Variants in TH observed in about 807,000 individuals in gnomAD.
TH encodes the protein tyrosine 3-monooxygenase.
Under a neutral mutation model 57.4 loss-of-function variants are expected in TH, and 49 were observed. That is an observed-to-expected ratio of 0.85 (90% CI 0.68 to 1.08). The LOEUF (loss-of-function observed/expected upper bound fraction) is 1.08. Ranked by LOEUF, TH falls within the 50% of genes least tolerant of loss-of-function variation. TH has a pLI of 0.00. For missense variants in TH, 720 were observed against 696.7 expected (o/e 1.03, Z -0.38); for synonymous variants, 330 against 304.5 (o/e 1.08, Z -0.87).
Position 2,168,519 on chromosome 11 carries a change from C to G in TH, c.459G>C (p.Glu153Asp). 6.2e-7 allele frequency: 1 copy of G among 1,612,342 alleles called. No homozygotes were observed. Among genetic ancestry groups the G allele is most frequent in the Non-Finnish European group, 8.5e-7 (1 of 1,179,844 alleles). ...ALLSGVRQVS[E>D]DVRSPAGPKV... is the part of the protein sequence containing the mutation. ...TGGGCCCCGCGGGGCTGCGCACGTCCTCTGACACCTGGCGCACACCACTGA... is the reference window on the plus strand; with the variant it reads ...TGGGCCCCGCGGGGCTGCGCACGTCGTCTGACACCTGGCGCACACCACTGA... Residue 153 changes from glutamate (E) to aspartate (D), a missense_variant, in exon 3 of 13, where the codon GAG becomes GAC. Transcript: ENST00000352909.
chr11:2,167,539 A>G, intron 5 of TH, 54 bp from the exon 6 acceptor site: 1 of 1,522,548 alleles, frequency 6.6e-7, no homozygotes, highest in Non-Finnish European at 8.9e-7. Context: ...GAAGGGCAGG[A>G]GGGAGGGAGG....
chr11:2,167,516 C>A lies in TH; in HGVS notation c.645-31G>T. The A allele has an allele frequency of 1.3e-6, 2 of 1,551,646 alleles. No individual in the cohort carries two copies. The highest frequency in any genetic ancestry group is 1.7e-6 in the Non-Finnish European group (2 of 1,148,116). On this transcript the variant is annotated intron_variant, in intron 5 of 12. Coordinates refer to ENST00000352909, the MANE Select transcript of TH (RefSeq NM_000360.4). ...GAGGGGGCCAGTGGTCAGCAGGTCC[C>A]CTCGGGGAGTGAGAAGGGCAGGAGG... is the stretch of plus-strand genomic sequence containing the variant.
chr11:2,165,607 C>A, intron 11 of TH, 61 bp downstream of exon 11: 2 of 1,567,466 alleles, frequency 1.3e-6, no homozygotes, highest in Admixed American at 1.7e-5. Context: ...CCTGTCCCCT[C>A]CCTGCACCGT....
At position 2,166,002 on chromosome 11, in the gene TH, C is replaced by T. The variant is rs1446472671; in HGVS notation, c.1104G>A (p.Thr368=). The change falls in exon 10 of 13, where the codon ACG becomes ACA. Residue 368 remains threonine (T), a splice_region_variant and synonymous_variant. Transcript: ENST00000352909. ...GCCCTGCAGGGAGGGGTCAACCCAC[C>T]GTGGACAGCTTCTCAATTTCCTCAT... ...ASDEEIEKLS[T]LYWFTVEFGL... is the part of the protein sequence containing the mutation. 7 of 1,561,318 alleles carry T rather than the reference C, an allele frequency of 4.5e-6. No homozygotes were observed. The highest frequency in any genetic ancestry group is 1.9e-5 in the Admixed American group (1 of 51,490).
chr11:2,165,335 C>T lies in TH; in HGVS notation c.1231G>A (p.Ala411Thr). ...ACGGCCGCAGCCTCAGGGTCGAAGG[C>T]CCGAATCTCAGGCTCCTCAGACAGG... ...HCLSEEPEIR[A>T]FDPEAAAVQP... is the part of the protein sequence containing the mutation. Residue 411 changes from alanine (A) to threonine (T), a missense_variant, in exon 12 of 13, where the codon GCC becomes ACC. Ala to Thr is a moderately conservative substitution (Grantham distance 58). Transcript: ENST00000352909. 6.2e-7 allele frequency: 1 copy of T among 1,612,074 alleles called. No individual in the cohort carries two copies. The highest frequency in any genetic ancestry group is 8.5e-7 in the Non-Finnish European group (1 of 1,179,986).
intron 2 of TH, 48 bp from the exon 3 acceptor site, chr11:2,168,713 G>A: frequency 1.0e-6 from 1 of 990,810 alleles, no homozygotes; most frequent in Non-Finnish European, 1.5e-6. Context: ...AAGAGACAGA[G>A]ATGGAGAGAG....
chr11:2,168,377 G>A (rs1846159391), intron 3 of TH, 114 bp downstream of exon 3: 4 of 1,472,378 alleles, frequency 2.7e-6, no homozygotes, highest in Non-Finnish European at 3.7e-6. Context: ...GGAGCCCGCA[G>A]AGAGGGAACC....
chr11:2,166,599 C>T, intron 8 of TH, 34 bp downstream of exon 8: 1 of 1,583,824 alleles, frequency 6.3e-7, no homozygotes, highest in South Asian at 1.2e-5. Flanking sequence ...TCGCACCCCC[C>T]ACCCTCGGGC....
intron 3 of TH, 32 bp downstream of exon 3, chr11:2,168,459 T>C (rs886430270): frequency 9.9e-6 from 16 of 1,611,274 alleles, no homozygotes; most frequent in Non-Finnish European, 1.4e-5. Context: ...CAAGGTCATT[T>C]GGTGGCCCTC....
In TH at chr11:2,171,449, G is replaced by C. The variant is rs892214740; in HGVS notation, c.90+248C>G. 6.6e-6 allele frequency among the ~76,000 whole-genome samples: 1 copy of C among 152,024 alleles called. No individual in the cohort carries two copies. The highest frequency in any genetic ancestry group is 1.5e-5 in the Non-Finnish European group (1 of 67,992). On this transcript the variant is annotated intron_variant, in intron 1 of 12. Coordinates refer to ENST00000352909, the MANE Select transcript of TH (RefSeq NM_000360.4). The surrounding 1 kb of genome is among the most constrained non-coding windows in gnomAD (Gnocchi z 8.6). The stretch of plus-strand genomic sequence containing the variant: ...AGACACAGAGACCCACACGACCCCC[G>C]AGAGAGGTCGGCCTAAGAGGGGCAC...
chr11:2,168,451 A>G (rs1273501927), intron 3 of TH, 40 bp downstream of exon 3: 1 of 1,610,610 alleles, frequency 6.2e-7, no homozygotes, highest in Non-Finnish European at 8.5e-7. Flanking sequence ...CAGCCTCTCA[A>G]GGTCATTTGG....
chr11:2,169,669 C>T lies in TH; in HGVS notation c.293G>A (p.Arg98Gln), dbSNP rs375214998. ...PRATKPSALS[R>Q]AVKVFETFEA... ...GCTCACCTCAAACACCTTCACAGCTCGGGACAGCGCCGAGGGCTTGGTGGC... is the reference window on the plus strand; with the variant it reads ...GCTCACCTCAAACACCTTCACAGCTTGGGACAGCGCCGAGGGCTTGGTGGC... Residue 98 changes from arginine (R) to glutamine (Q), a missense_variant, in exon 2 of 13, where the codon CGA becomes CAA. Physicochemically the swap from Arg to Gln is conservative, Grantham distance 43. Transcript: ENST00000352909. 1.9e-5 allele frequency: 30 copies of T among 1,613,452 alleles called. No homozygotes were observed. Among genetic ancestry groups the T allele is most frequent in the Non-Finnish European group, 2.4e-5 (28 of 1,179,968 alleles).
intron 2 of TH, among the ~76,000 whole-genome samples, chr11:2,168,918 C>T (rs559396157): frequency 2.6e-5 from 4 of 152,280 alleles, no homozygotes; most frequent in African/African-American, 9.6e-5. Context: ...TGAGGCTTAA[C>T]CTGGTTCTGG....
In TH at chr11:2,169,717, A is replaced by AAAGAGGG; in HGVS notation, c.244_245insCCCTCTT (p.Leu82ProfsTer25). Reference sequence around the variant, plus strand: ...GGCCCTCGGGGAGAAGAGCAGGTTTAGCACGGCCTTCCCCTCCTTCTCCTC... The same window carrying AAAGAGGG: ...GGCCCTCGGGGAGAAGAGCAGGTTTAAAGAGGGGCACGGCCTTCCCCTCCTTCTCCTC... On this transcript the variant is annotated frameshift_variant, in exon 2 of 13. Transcript: ENST00000352909. LOFTEE classifies it high-confidence loss of function. The AAAGAGGG allele has an allele frequency of 6.2e-7, 1 of 1,613,256 alleles. No individual in the cohort carries two copies. Among genetic ancestry groups the AAAGAGGG allele is most frequent in the Non-Finnish European group, 8.5e-7 (1 of 1,179,914 alleles).
rs372156803 is a variant in TH, at chr11:2,164,419, G to A, written c.1335-27C>T. ...TGGGGAGGAGAGCGGCAGAGCCCTC[G>A]TCAACTGGCGGGCAGAGTCTGCAGC... On this transcript the variant is annotated intron_variant, in intron 12 of 12. Transcript: ENST00000352909. The A allele has an allele frequency of 2.5e-5, 39 of 1,542,984 alleles. No individual in the cohort carries two copies. In the African/African-American group the frequency reaches 3.4e-4, roughly 13 times the overall value.
rs75487597 is a variant in TH at position 2,166,555 on chromosome 11, C to T, written c.978-6G>A. ...GCAGCTCGTGGCAGCAGTCCCTGCG[C>T]GTAGGAGGGAGAAGGGGGCTGAGGG... On this transcript the variant is annotated splice_polypyrimidine_tract_variant and splice_region_variant and intron_variant, in intron 8 of 12. Coordinates refer to ENST00000352909, the MANE Select transcript of TH (RefSeq NM_000360.4). 3.7e-6 allele frequency: 6 copies of T among 1,600,466 alleles called. No homozygotes were observed. The highest frequency in any genetic ancestry group is 1.1e-5 in the South Asian group (1 of 89,178).
intron 6 of TH, 170 bp from the exon 7 acceptor site, chr11:2,167,202 T>C (rs1191748117): frequency 1.2e-5 from 13 of 1,124,238 alleles, no homozygotes; most frequent in Admixed American, 2.4e-5. Context: ...CTTTAGGGAA[T>C]CCCAGGGGAT....
At position 2,166,479 on chromosome 11, in the gene TH, C is replaced by G. The variant is rs1340482195; in HGVS notation, c.1047+1G>C. On this transcript the variant is annotated splice_donor_variant, in intron 9 of 12. Transcript: ENST00000352909. LOFTEE classifies it high-confidence loss of function. ...CGGCTCCCTCCGAGGCCGCGGCGTA[C>G]CTGCGAGAACTGCGCGAAGGTGCGG... 4 of 1,583,934 alleles carry G rather than the reference C, an allele frequency of 2.5e-6. No individual in the cohort carries two copies. In the African/African-American group the frequency reaches 5.4e-5, roughly 21 times the overall value.
At chr11:2,166,397 C>T in intron 9 of TH, 83 bp downstream of exon 9, 2 of 1,491,544 alleles carry the variant, frequency 1.3e-6, no homozygotes, top group Non-Finnish European at 1.8e-6. Flanking sequence ...CACACTTCAC[C>T]CACCCGCACA....
Sources: gnomAD v4.1 joint callset for allele counts (sites outside exome capture counted in the v4.1 genomes callset) on GRCh38, gnomAD v4.1.1 for gene constraint, Gnocchi (gnomAD v3.1) non-coding constraint, MANE v1.5 for transcripts, NCBI Gene and HGNC (gene_info 2026-07-23, HGNC 2026-07-21) for gene names.